Variants in TXNL4A observed in about 807,000 individuals in gnomAD.
TXNL4A encodes the protein thioredoxin-like protein 4A.
TXNL4A carries 17 observed loss-of-function variants against 14.6 expected under a neutral mutation model. That is an observed-to-expected ratio of 1.16 (90% CI 0.80 to 1.74). TXNL4A has a LOEUF of 1.74. Among genes scored for constraint, TXNL4A ranks in the 40% most tolerant of loss-of-function variants. The pLI, the probability that TXNL4A is intolerant of heterozygous loss-of-function variation, is 0.00. For synonymous variants in TXNL4A, 83 were observed against 70.6 expected, an observed-to-expected ratio of 1.18 and a Z score of -0.88; for missense variants, 74 against 195.2, an observed-to-expected ratio of 0.38 and a Z score of 3.70.
chr18:79,998,931 A>G (rs1429198364), intron 1 of TXNL4A, among the ~76,000 whole-genome samples: 3 of 152,168 alleles, frequency 2.0e-5, no homozygotes, highest in African/African-American at 7.2e-5. Context: ...GGATCATGCT[A>G]AAATAGAATG....
intron 1 of TXNL4A, among the ~76,000 whole-genome samples, chr18:80,028,104 C>A (rs535648831): frequency 1.3e-3 from 190 of 151,654 alleles, no homozygotes; most frequent in African/African-American, 4.4e-3. Flanking sequence ...CTGCCTTTCT[C>A]CCTTTTCACA....
chr18:80,021,350 G>A (rs1425381123), intron 1 of TXNL4A, among the ~76,000 whole-genome samples: 1 of 151,998 alleles, frequency 6.6e-6, no homozygotes, highest in Non-Finnish European at 1.5e-5. Context: ...CTAATTTTTT[G>A]TATTTTTTAG....
chr18:80,020,618 C>T (rs891787407), intron 1 of TXNL4A, among the ~76,000 whole-genome samples: 13 of 152,282 alleles, frequency 8.5e-5, no homozygotes, highest in African/African-American at 3.1e-4. Flanking sequence ...AACGCCTTCC[C>T]TATGGGAAGA....
chr18:79,988,241 T>A lies in TXNL4A; in HGVS notation c.152A>T (p.Lys51Met). ...GAGCGGGAGAGTCCGGCGCGCTACC[T>A]TCTCGGCGATGCTGTACAGGACCTC... ...MDEVLYSIAE[K>M]VKNFAVIYLV... The change falls in exon 1 of 3, where the codon AAG becomes ATG. Residue 51 changes from lysine to methionine, a missense_variant and splice_region_variant. Lys to Met is a moderately conservative substitution (Grantham distance 95). Coordinates refer to ENST00000269601, the MANE Select transcript of TXNL4A (RefSeq NM_006701.5). 1.3e-6 allele frequency: 2 copies of A among 1,545,278 alleles called. No homozygotes were observed. The highest frequency in any genetic ancestry group is 1.2e-5 in the South Asian group (1 of 85,394).
At chr18:79,983,676 C>G (rs1038060929) in intron 1 of TXNL4A, among the ~76,000 whole-genome samples, 2 of 152,186 alleles carry the variant, frequency 1.3e-5, no homozygotes, top group Non-Finnish European at 2.9e-5. Flanking sequence ...AAAAACTTGA[C>G]TTTCTAAAAT....
At chr18:80,033,012 C>T (rs1251418950) in intron 1 of TXNL4A, among the ~76,000 whole-genome samples, 2 of 69,300 alleles carry the variant, frequency 2.9e-5, no homozygotes, top group Non-Finnish European at 6.3e-5. Context: ...CTCTGCTTCT[C>T]AATACTCCGC....
At chr18:79,983,909 C>T (rs2051502473) in intron 1 of TXNL4A, among the ~76,000 whole-genome samples, 4 of 152,064 alleles carry the variant, frequency 2.6e-5, no homozygotes, top group Non-Finnish European at 5.9e-5. Flanking sequence ...TATGAAGTGC[C>T]AAGAGCCTAG....
intron 1 of TXNL4A, among the ~76,000 whole-genome samples, chr18:80,004,785 C>G (rs1049386822): frequency 6.6e-6 from 1 of 152,110 alleles, no homozygotes; most frequent in African/African-American, 2.4e-5. Flanking sequence ...AACAAAACAT[C>G]GAGTGCGCAG....
At chr18:79,988,101 A>C in intron 1 of TXNL4A, 139 bp downstream of exon 1, 1 of 1,056,304 alleles carries the variant, frequency 9.5e-7, no homozygotes, top group Non-Finnish European at 1.2e-6. Flanking sequence ...GACCGCAGCG[A>C]GGGGAGGAAT....
At chr18:80,024,274 G>C (rs2051869876) in intron 1 of TXNL4A, among the ~76,000 whole-genome samples, 1 of 152,148 alleles carries the variant, frequency 6.6e-6, no homozygotes. Flanking sequence ...CATTGGCAGA[G>C]AGCAGTCTCC....
At position 79,972,076 on chromosome 18, in the gene TXNL4A, A is replaced by C. The variant is rs2051307850; in HGVS notation, c.*1609T>G. On this transcript the variant is annotated 3_prime_UTR_variant, in exon 3 of 3. Coordinates refer to ENST00000269601, the MANE Select transcript of TXNL4A (RefSeq NM_006701.5). ...CACACACTCATTTGTACTGTATGTA[A>C]AAAATGTGCTTCATTCTGTAAGTAC... 1 of 152,248 alleles carries C rather than the reference A, an allele frequency of 6.6e-6. No homozygotes were observed. Among genetic ancestry groups the C allele is most frequent in the Admixed American group, 6.5e-5 (1 of 15,280 alleles). The allele number at this position is 152,248 out of a possible 1,614,324, so 9.4% of individuals were successfully genotyped here.
At chr18:80,003,744 G>A (rs2051711880) in intron 1 of TXNL4A, among the ~76,000 whole-genome samples, 1 of 152,156 alleles carries the variant, frequency 6.6e-6, no homozygotes, top group African/African-American at 2.4e-5. Context: ...AAGGAAAGGG[G>A]TTTAAGTGAC....
rs114559124 is a variant in TXNL4A, at chr18:79,978,804, T to C, written c.154-1103A>G. 8.0e-3 allele frequency among the ~76,000 whole-genome samples: 1,213 copies of C among 152,058 alleles called. 20 individuals are homozygous for C. The highest frequency in any genetic ancestry group is 0.027 in the African/African-American group (1,127 of 41,462). On this transcript the variant is annotated intron_variant, in intron 1 of 2. Coordinates refer to ENST00000269601, the MANE Select transcript of TXNL4A (RefSeq NM_006701.5). Reference sequence around the variant, plus strand: ...CCACCACGCCTGGCAATATTTTTACTATATTCTTTCCCCTTTCTTATAGAT... The same window carrying C: ...CCACCACGCCTGGCAATATTTTTACCATATTCTTTCCCCTTTCTTATAGAT...
At chr18:80,021,828 G>C (rs778817138) in intron 1 of TXNL4A, among the ~76,000 whole-genome samples, 1 of 152,138 alleles carries the variant, frequency 6.6e-6, no homozygotes, top group African/African-American at 2.4e-5. Context: ...TACGGAAGAA[G>C]GTGGAATTTT....
chr18:79,988,347 G>A lies in TXNL4A; in HGVS notation c.46C>T (p.Gln16Ter). 1.3e-6 allele frequency: 2 copies of A among 1,568,854 alleles called. No individual in the cohort carries two copies. The highest frequency in any genetic ancestry group is 1.7e-6 in the Non-Finnish European group (2 of 1,155,934). Residue 16 changes from glutamine to a stop codon, truncating the protein, a stop_gained, in exon 1 of 3, where the codon CAG (glutamine) becomes TAG (stop). Coordinates refer to ENST00000269601, the MANE Select transcript of TXNL4A (RefSeq NM_006701.5). LOFTEE classifies it high-confidence loss of function. ...CGGTCCTCCTCCGAGAGGATGGCCTGGTCCACCTGCCAGCCGTTGTGCAGG... is the reference window on the plus strand; with the variant it reads ...CGGTCCTCCTCCGAGAGGATGGCCTAGTCCACCTGCCAGCCGTTGTGCAGG... ...PHLHNGWQVD[Q>*]AILSEEDRVV...
At chr18:79,993,248 G>A (rs914357931), upstream of TXNL4A, among the ~76,000 whole-genome samples, 1 of 152,044 alleles carries the variant, frequency 6.6e-6, no homozygotes, top group African/African-American at 2.4e-5. This position sits in a 1 kb window ranked among gnomAD's most constrained non-coding sequence, Gnocchi z 4.4. Context: ...CTGAAGTCTC[G>A]GACCTCTTTT....
chr18:79,989,812 T>G (rs1178276184), upstream of TXNL4A, among the ~76,000 whole-genome samples: 1 of 152,086 alleles, frequency 6.6e-6, no homozygotes, highest in Non-Finnish European at 1.5e-5. Flanking sequence ...CTGGCCAACA[T>G]GGTGAAACCC....
intron 1 of TXNL4A, among the ~76,000 whole-genome samples, chr18:80,016,286 C>T (rs184754462): frequency 7.2e-5 from 11 of 152,094 alleles, no homozygotes; most frequent in South Asian, 2.1e-4. Flanking sequence ...AAGTGGGTTG[C>T]GAAAATTTTC....
At chr18:80,030,998 G>A (rs888348048) in intron 1 of TXNL4A, among the ~76,000 whole-genome samples, 6 of 152,122 alleles carry the variant, frequency 3.9e-5, no homozygotes, top group African/African-American at 7.2e-5. Flanking sequence ...ACACTCTTAA[G>A]AACAAAGGAC....
Sources: allele counts gnomAD v4.1 joint callset (sites outside exome capture counted in the v4.1 genomes callset), GRCh38; gene constraint gnomAD v4.1.1; non-coding constraint Gnocchi (gnomAD v3.1); transcripts MANE v1.5; gene names NCBI Gene and HGNC (gene_info 2026-07-23, HGNC 2026-07-21).